Variants in KLF12 observed in about 807,000 individuals in gnomAD.
KLF12 encodes Krueppel-like factor 12.
KLF12 carries 9 observed loss-of-function variants against 37.8 expected under a neutral mutation model. The observed-to-expected ratio is 0.24, with a 90% CI of 0.14 to 0.42. KLF12 has a LOEUF of 0.42. KLF12 is among the 10% of genes least tolerant of loss of function. The pLI, the probability that KLF12 is intolerant of heterozygous loss-of-function variation, is 1.00. For missense variants in KLF12, 411 were observed against 516.0 expected (o/e 0.80, Z 1.97); for synonymous variants, 208 against 202.1 (o/e 1.03, Z -0.25).
intron 1 of KLF12, among the ~76,000 whole-genome samples, chr13:74,059,776 A>T (rs1421220594): frequency 6.6e-6 from 1 of 152,108 alleles, no homozygotes; most frequent in African/African-American, 2.4e-5. Context: ...GAGGCTTTTT[A>T]ACTTAAGTTC....
intron 3 of KLF12, among the ~76,000 whole-genome samples, chr13:73,919,911 T>C (rs11841062): frequency 7.5e-4 from 114 of 152,288 alleles, no homozygotes; most frequent in African/African-American, 2.1e-3. Flanking sequence ...TATTTCTTTA[T>C]TATAAATTTT....
intron 3 of KLF12, among the ~76,000 whole-genome samples, chr13:73,896,987 A>G (rs1412458477): frequency 6.6e-6 from 1 of 152,160 alleles, no homozygotes; most frequent in African/African-American, 2.4e-5. Context: ...TCTGGTTTCA[A>G]GAGGCAACAG....
At chr13:73,781,972 A>G (rs1880994706) in intron 5 of KLF12, among the ~76,000 whole-genome samples, 1 of 152,218 alleles carries the variant, frequency 6.6e-6, no homozygotes, top group African/African-American at 2.4e-5. Context: ...TTCAATGTTT[A>G]AAAATAGTAA....
chr13:74,127,271 G>A (rs1214191835), intron 1 of KLF12, among the ~76,000 whole-genome samples: 1 of 152,172 alleles, frequency 6.6e-6, no homozygotes, highest in Non-Finnish European at 1.5e-5. Flanking sequence ...TTTGCAAGAA[G>A]ACATAAAAAA....
intron 3 of KLF12, among the ~76,000 whole-genome samples, chr13:73,906,367 T>C (rs764893728): frequency 1.2e-4 from 18 of 152,194 alleles, no homozygotes; most frequent in Non-Finnish European, 2.1e-4. Flanking sequence ...ACATTTCCAT[T>C]TTCCTTTGTG....
chr13:74,270,461 A>G, the KLF12 span, among the ~76,000 whole-genome samples: 2 of 152,186 alleles, frequency 1.3e-5, no homozygotes, highest in African/African-American at 4.8e-5. Flanking sequence ...GGACATTGAA[A>G]GCCTGAGTGA....
intron 2 of KLF12, among the ~76,000 whole-genome samples, chr13:73,958,034 T>C (rs928620647): frequency 3.9e-5 from 6 of 152,200 alleles, no homozygotes; most frequent in Non-Finnish European, 7.3e-5. Flanking sequence ...CATGCAGTTT[T>C]GTTGCACCGT....
At chr13:73,929,858 T>G (rs1308114309) in intron 3 of KLF12, among the ~76,000 whole-genome samples, 1 of 152,140 alleles carries the variant, frequency 6.6e-6, no homozygotes, top group African/African-American at 2.4e-5. Context: ...GGGCAACATG[T>G]CCATATCCTA....
At chr13:74,191,845 T>A in the KLF12 span, among the ~76,000 whole-genome samples, 1 of 152,224 alleles carries the variant, frequency 6.6e-6, no homozygotes, top group Non-Finnish European at 1.5e-5. Flanking sequence ...ATATAAAATG[T>A]AAATATACGT....
At chr13:73,724,914 T>G (rs1357731036) in intron 6 of KLF12, among the ~76,000 whole-genome samples, 1 of 152,156 alleles carries the variant, frequency 6.6e-6, no homozygotes, top group African/African-American at 2.4e-5. Flanking sequence ...GAAAATCTGC[T>G]TGGCAACACT....
the KLF12 span, chr13:74,259,377 A>G: frequency 6.6e-6 from 1 of 152,206 alleles, no homozygotes; most frequent in Non-Finnish European, 1.5e-5. Flanking sequence ...ATCTCTCTGC[A>G]ACCTCTTTCC....
intron 2 of KLF12, among the ~76,000 whole-genome samples, chr13:73,958,021 G>A (rs1270687771): frequency 2.0e-5 from 3 of 152,088 alleles, no homozygotes; most frequent in Non-Finnish European, 2.9e-5. Context: ...ACTTCTTTTC[G>A]CACATGCAGT....
intron 1 of KLF12, among the ~76,000 whole-genome samples, chr13:74,049,972 TTTGTTG>T (rs3079826): frequency 6.5e-4 from 99 of 151,320 alleles, no homozygotes; most frequent in Non-Finnish European, 6.8e-4. Flanking sequence ...TGATGGTGGT[TTTGTTG>T]TTGTTGTTGT....
chr13:74,037,064 CATG>C (rs1218071037), intron 1 of KLF12, among the ~76,000 whole-genome samples: 1 of 151,872 alleles, frequency 6.6e-6, no homozygotes, highest in African/African-American at 2.4e-5. Flanking sequence ...ATTAGCCAGG[CATG>C]GTGGTGGGCG....
At chr13:73,718,520 G>A (rs1218644230) in intron 6 of KLF12, among the ~76,000 whole-genome samples, 1 of 152,198 alleles carries the variant, frequency 6.6e-6, no homozygotes, top group Non-Finnish European at 1.5e-5. Context: ...ACGTAGGGAA[G>A]CTGACACAGG....
chr13:73,945,706 A>G lies in KLF12; in HGVS notation c.34-1636T>C, dbSNP rs1489780368. 2.6e-5 allele frequency among the ~76,000 whole-genome samples: 4 copies of G among 152,310 alleles called. No homozygotes were observed. The Middle Eastern group carries it at 0.01, about 389-fold the overall frequency. On this transcript the variant is annotated intron_variant, in intron 2 of 7. Coordinates refer to ENST00000377669, the MANE Select transcript of KLF12 (RefSeq NM_007249.5). ...AGCATTTAAAAAGTCTACACCACCTAGTCTATAAGGTGATAAAAAGAAGAA... is the reference window on the plus strand; with the variant it reads ...AGCATTTAAAAAGTCTACACCACCTGGTCTATAAGGTGATAAAAAGAAGAA...
chr13:73,882,243 C>A (rs1288059287), intron 3 of KLF12, among the ~76,000 whole-genome samples: 4 of 151,816 alleles, frequency 2.6e-5, no homozygotes, highest in African/African-American at 9.7e-5. Context: ...TTTAAAAACT[C>A]CTCTTCTGTA....
chr13:73,775,621 AT>A (rs1880563089), intron 5 of KLF12, among the ~76,000 whole-genome samples: 3 of 152,186 alleles, frequency 2.0e-5, no homozygotes, highest in Non-Finnish European at 4.4e-5. Flanking sequence ...GAACTACTTT[AT>A]TTAGTTGTTA....
intron 3 of KLF12, among the ~76,000 whole-genome samples, chr13:73,870,694 G>A (rs1886420479): frequency 6.6e-6 from 1 of 152,192 alleles, no homozygotes; most frequent in Non-Finnish European, 1.5e-5. Context: ...AGAAACGGAA[G>A]GTTAAAGTGG....
Sources: gnomAD v4.1 joint callset for allele counts (sites outside exome capture counted in the v4.1 genomes callset) on GRCh38, gnomAD v4.1.1 for gene constraint, MANE v1.5 for transcripts, NCBI Gene and HGNC (gene_info 2026-07-23, HGNC 2026-07-21) for gene names.